The following CCDC39 variants were observed in gnomAD, a reference collection of about 807,000 sequenced individuals.
CCDC39 encodes coiled-coil domain-containing protein 39.
Under a neutral mutation model 121.0 loss-of-function variants are expected in CCDC39, and 113 were observed. The observed-to-expected ratio is 0.93, with a 90% confidence interval of 0.80 to 1.09. The LOEUF (loss-of-function observed/expected upper bound fraction) is 1.09, where lower values mean the gene tolerates loss of function less well. CCDC39 is among the 50% of genes least tolerant of loss of function. The pLI is 0.00. For synonymous variants in CCDC39, 349 were observed against 352.2 expected (o/e 0.99, Z 0.10); for missense variants, 1,063 against 1,074.7 (o/e 0.99, Z 0.15).
chr3:180,654,235 A>AAAT (rs1711529465), intron 7 of CCDC39, among the ~76,000 whole-genome samples: 1 of 150,480 alleles, frequency 6.6e-6, no homozygotes, highest in Non-Finnish European at 1.5e-5. Flanking sequence ...AAAAAAAAAA[A>AAAT]AAAAAAAGAG....
intron 13 of CCDC39, among the ~76,000 whole-genome samples, chr3:180,633,991 C>T (rs1401995767): frequency 6.6e-6 from 1 of 152,166 alleles, no homozygotes; most frequent in African/African-American, 2.4e-5. Flanking sequence ...TCTATCCCTG[C>T]TGCCCTTGAT....
intron 1 of CCDC39, among the ~76,000 whole-genome samples, chr3:180,677,969 C>T (rs1712281675): frequency 6.6e-6 from 1 of 151,928 alleles, no homozygotes; most frequent in South Asian, 2.1e-4. Flanking sequence ...CTTTATATGG[C>T]TCTATACTTT....
chr3:180,631,870 G>A (rs1717705966), intron 13 of CCDC39, among the ~76,000 whole-genome samples: 1 of 152,144 alleles, frequency 6.6e-6, no homozygotes. Context: ...CTACTTGAAA[G>A]CTGACAAGTT....
chr3:180,631,384 T>G, intron 14 of CCDC39, 85 bp downstream of exon 14: 1 of 1,301,318 alleles, frequency 7.7e-7, no homozygotes, highest in South Asian at 1.3e-5. Flanking sequence ...TATTGTTGTT[T>G]TTTTATTTAA....
intron 14 of CCDC39, among the ~76,000 whole-genome samples, chr3:180,629,026 A>G (rs537075921): frequency 2.0e-5 from 3 of 152,210 alleles, no homozygotes; most frequent in Non-Finnish European, 4.4e-5. Flanking sequence ...GAAAAAACAA[A>G]ACTTAACTTC....
chr3:180,674,522 A>G (rs1712137382), intron 1 of CCDC39, among the ~76,000 whole-genome samples: 1 of 152,184 alleles, frequency 6.6e-6, no homozygotes, highest in South Asian at 2.1e-4. Context: ...TATGTTGAAT[A>G]GGAGTGGTGA....
chr3:180,616,299 T>C lies in CCDC39; in HGVS notation c.2651A>G (p.His884Arg), dbSNP rs767777047. The change falls in exon 19 of 20, where the codon CAT (histidine) becomes CGT (arginine). Residue 884 changes from histidine (H) to arginine (R), a missense_variant. Transcript: ENST00000476379. ...CGCTTACCTTGCTGATAGTGAAGTA[T>C]GTGAAGGAGATCTAGAGCTCTGACG... ...GSRQSSRSPS[H>R]TSLSARSSRS... The C allele has an allele frequency of 3.1e-6, 5 of 1,613,360 alleles. No individual in the cohort carries two copies. In the South Asian group the frequency reaches 5.5e-5, roughly 18 times the overall value.
intron 14 of CCDC39, among the ~76,000 whole-genome samples, chr3:180,629,771 T>C (rs991348496): frequency 3.3e-5 from 5 of 152,194 alleles, no homozygotes; most frequent in Admixed American, 2.0e-4. Context: ...ATAAGAAATA[T>C]GGCATCAGGA....
At position 180,665,520 on chromosome 3, in the gene CCDC39, A is replaced by AT. The variant is rs1032373851; in HGVS notation, c.91-1535dup. On this transcript the variant is annotated intron_variant, in intron 1 of 19. Coordinates refer to ENST00000476379, the MANE Select transcript of CCDC39 (RefSeq NM_181426.2). ...TTTGTATGTCCTATACTAATATTAA[A>AT]TTTTTTTTTGCTTTTTGTGTCATTA... is the stretch of plus-strand genomic sequence containing the variant. Among the ~76,000 whole-genome samples, 50 of 151,372 alleles carry AT rather than the reference A, an allele frequency of 3.3e-4. No individual in the cohort carries two copies. The South Asian group carries it at 4.8e-3, about 15-fold the overall frequency.
intron 16 of CCDC39, chr3:180,617,569 CT>C: frequency 3.5e-6 from 2 of 571,968 alleles, no homozygotes; most frequent in African/African-American, 1.9e-5. Context: ...CACGGGTAGG[CT>C]TAGGTTTATG....
intron 13 of CCDC39, among the ~76,000 whole-genome samples, chr3:180,632,129 C>T (rs950546366): frequency 6.6e-6 from 1 of 152,174 alleles, no homozygotes; most frequent in African/African-American, 2.4e-5. Context: ...AATAAGCAAA[C>T]ATGCCTAACT....
At chr3:180,674,633 A>C (rs553020394) in intron 1 of CCDC39, among the ~76,000 whole-genome samples, 1 of 152,254 alleles carries the variant, frequency 6.6e-6, no homozygotes, top group Non-Finnish European at 1.5e-5. Flanking sequence ...AATAGCTCTT[A>C]TTATTTTGAG....
chr3:180,651,478 T>C lies in CCDC39; in HGVS notation c.1090A>G (p.Thr364Ala). ...EIIQTKLKEI[T>A]EKTMSVEEKA... ...TCTTCTACAGACATGGTTTTCTCAG[T>C]TATCTCCTTTAATTTTGTTTGTATT... The change falls in exon 9 of 20, where the codon ACT becomes GCT. Residue 364 changes from threonine to alanine, a missense_variant. Physicochemically the swap from Thr to Ala is moderately conservative, Grantham distance 58. Coordinates refer to ENST00000476379, the MANE Select transcript of CCDC39 (RefSeq NM_181426.2). 1 of 1,546,126 alleles carries C rather than the reference T, an allele frequency of 6.5e-7. No individual in the cohort carries two copies. The highest frequency in any genetic ancestry group is 8.7e-7 in the Non-Finnish European group (1 of 1,143,162).
rs187604168 is a variant in CCDC39, at chr3:180,664,695, G to T, written c.91-709C>A. 6.7e-5 allele frequency among the ~76,000 whole-genome samples: 10 copies of T among 148,800 alleles called. 1 individual carries two copies. Among genetic ancestry groups the T allele is most frequent in the Admixed American group, 2.7e-4 (4 of 15,082 alleles). ...TCTACTCCATTATTAAACCACAAGA[G>T]ATCTTTTTTTTTTTTTTGAGATGGA... On this transcript the variant is annotated intron_variant, in intron 1 of 19. Transcript: ENST00000476379.
At chr3:180,677,170 A>ATT (rs1712251040) in intron 1 of CCDC39, among the ~76,000 whole-genome samples, 1 of 28,248 alleles carries the variant, frequency 3.5e-5, no homozygotes, top group Non-Finnish European at 6.8e-5. Context: ...TAATAATTTT[A>ATT]TATATATATA....
chr3:180,653,508 G>C (rs1488594249), intron 7 of CCDC39, among the ~76,000 whole-genome samples: 2 of 152,000 alleles, frequency 1.3e-5, no homozygotes, highest in Non-Finnish European at 2.9e-5. Flanking sequence ...TTTTTAGAGG[G>C]CCTCTCTCTG....
In CCDC39 at chr3:180,614,938, T is replaced by G; in HGVS notation, c.2809A>C (p.Lys937Gln). The G allele has an allele frequency of 6.4e-7, 1 of 1,564,400 alleles. No individual in the cohort carries two copies. The highest frequency in any genetic ancestry group is 8.7e-7 in the Non-Finnish European group (1 of 1,152,636). ...TAAAATGTTTATTTGCTGCTCTTTT[T>G]GCTCTTAACATTACTAGAGCTACTA... ...ASSSSSNVKS[K>Q]KSSK The change falls in exon 20 of 20, where the codon AAA becomes CAA. Residue 937 changes from lysine (K) to glutamine (Q), a missense_variant. By Grantham distance (53) the Lys-to-Gln change is moderately conservative. Coordinates refer to ENST00000476379, the MANE Select transcript of CCDC39 (RefSeq NM_181426.2).
chr3:180,615,209 T>C, intron 19 of CCDC39, 132 bp from the exon 20 acceptor site: 4 of 601,788 alleles, frequency 6.6e-6, no homozygotes, highest in Non-Finnish European at 1.1e-5. Flanking sequence ...TAGTGTTAAG[T>C]TTTTAAATGA....
intron 6 of CCDC39, among the ~76,000 whole-genome samples, chr3:180,657,901 T>C (rs1013479196): frequency 2.0e-5 from 3 of 152,170 alleles, no homozygotes; most frequent in Admixed American, 2.0e-4. Context: ...GCTTCTTCCT[T>C]GTAAGTCAAC....
Sources: gnomAD v4.1 joint callset for allele counts (sites outside exome capture counted in the v4.1 genomes callset) on GRCh38, gnomAD v4.1.1 for gene constraint, MANE v1.5 for transcripts, NCBI Gene and HGNC (gene_info 2026-07-23, HGNC 2026-07-21) for gene names.